The following PDSS2 variants were observed in gnomAD, a reference collection of about 807,000 sequenced individuals.
PDSS2 encodes the protein decaprenyl diphosphate synthase subunit 2.
PDSS2 carries 31 observed loss-of-function variants against 44.5 expected under a neutral mutation model. The ratio of observed to expected loss-of-function variants is 0.70; its 90% CI spans 0.52 to 0.94. The LOEUF is 0.94. Ranked by LOEUF, PDSS2 falls within the 40% of genes least tolerant of loss-of-function variation. The pLI is 0.00. For synonymous variants in PDSS2, 157 were observed against 180.3 expected (o/e 0.87, Z 1.03); for missense variants, 452 against 482.2 (o/e 0.94, Z 0.59).
intron 1 of PDSS2, among the ~76,000 whole-genome samples, chr6:107,334,534 T>C (rs1777816742): frequency 9.1e-6 from 1 of 109,422 alleles, no homozygotes; most frequent in South Asian, 2.6e-4. Flanking sequence ...TGCGTTGTTG[T>C]TGTTGTTGTT....
intron 7 of PDSS2, among the ~76,000 whole-genome samples, chr6:107,182,514 G>A (rs1353815059): frequency 2.0e-5 from 3 of 152,088 alleles, no homozygotes; most frequent in Admixed American, 6.5e-5. Context: ...TAGTAGAGAC[G>A]GGGTTTTGCC....
intron 4 of PDSS2, among the ~76,000 whole-genome samples, chr6:107,230,937 G>A (rs920407123): frequency 5.3e-5 from 8 of 152,082 alleles, no homozygotes; most frequent in South Asian, 4.1e-4. Context: ...GGCGGGGCAC[G>A]GTGGCTCATG....
At chr6:107,197,257 G>C (rs995895072) in intron 6 of PDSS2, among the ~76,000 whole-genome samples, 1 of 151,212 alleles carries the variant, frequency 6.6e-6, no homozygotes, top group Non-Finnish European at 1.5e-5. Context: ...AGGTGGGGGT[G>C]GGGTAAGGGG....
chr6:107,253,192 C>T (rs932545134), intron 3 of PDSS2, among the ~76,000 whole-genome samples: 4 of 152,040 alleles, frequency 2.6e-5, no homozygotes, highest in Admixed American at 6.6e-5. Flanking sequence ...TGCGCCACCA[C>T]GCCTGGCTAA....
At chr6:107,398,976 C>G (rs1415154508) in intron 1 of PDSS2, among the ~76,000 whole-genome samples, 1 of 152,176 alleles carries the variant, frequency 6.6e-6, no homozygotes, top group African/African-American at 2.4e-5. Flanking sequence ...ATATTCTACA[C>G]AGGAAATGGT....
intron 1 of PDSS2, among the ~76,000 whole-genome samples, chr6:107,409,890 T>C (rs1277665737): frequency 2.0e-5 from 3 of 152,156 alleles, no homozygotes; most frequent in Non-Finnish European, 2.9e-5. Context: ...GCTACCAATG[T>C]ACGTGAAAGG....
chr6:107,418,497 T>A (rs1267548502), intron 1 of PDSS2, among the ~76,000 whole-genome samples: 2 of 152,070 alleles, frequency 1.3e-5, no homozygotes, highest in Admixed American at 6.5e-5. Flanking sequence ...TTTGGTTGGG[T>A]GTGGTGGCTC....
At chr6:107,334,112 C>G (rs1384282259) in intron 2 of PDSS2, 86 bp downstream of exon 2, 6 of 1,169,448 alleles carry the variant, frequency 5.1e-6, no homozygotes, top group Non-Finnish European at 2.6e-6. Context: ...CAGAGAATGA[C>G]AAAGAATGGT....
At chr6:107,457,342 A>G (rs1222495142) in intron 1 of PDSS2, among the ~76,000 whole-genome samples, 2 of 152,240 alleles carry the variant, frequency 1.3e-5, no homozygotes, top group Non-Finnish European at 2.9e-5. Context: ...GGTTAGGTGT[A>G]TATTAGATTT....
chr6:107,314,862 C>A (rs1777154141), intron 2 of PDSS2, among the ~76,000 whole-genome samples: 1 of 152,190 alleles, frequency 6.6e-6, no homozygotes, highest in African/African-American at 2.4e-5. Context: ...CAATGCCCTG[C>A]CAGCATGGCT....
At chr6:107,229,337 C>T (rs1314026409) in intron 4 of PDSS2, among the ~76,000 whole-genome samples, 1 of 152,028 alleles carries the variant, frequency 6.6e-6, no homozygotes, top group African/African-American at 2.4e-5. Context: ...CAGGCGTGCA[C>T]CACCATGCCC....
At chr6:107,207,981 T>TTTTTTTG (rs1554253994) in intron 6 of PDSS2, among the ~76,000 whole-genome samples, 2 of 125,054 alleles carry the variant, frequency 1.6e-5, no homozygotes, top group Non-Finnish European at 3.4e-5. Context: ...ATGACTTGTT[T>TTTTTTTG]TTTTTTTTTT....
chr6:107,235,211 C>T (rs928478923), intron 4 of PDSS2, among the ~76,000 whole-genome samples: 2 of 152,174 alleles, frequency 1.3e-5, no homozygotes, highest in Non-Finnish European at 2.9e-5. Context: ...GGGCAGAGTA[C>T]ACAAGAAGAG....
At chr6:107,395,856 A>C (rs1024444949) in intron 1 of PDSS2, among the ~76,000 whole-genome samples, 5 of 152,104 alleles carry the variant, frequency 3.3e-5, no homozygotes, top group Non-Finnish European at 7.4e-5. Context: ...TGAGTGTTAG[A>C]TTCTGCTATA....
intron 1 of PDSS2, among the ~76,000 whole-genome samples, chr6:107,438,208 TTTTTTA>T (rs1157163811): frequency 6.6e-6 from 1 of 152,108 alleles, no homozygotes; most frequent in South Asian, 2.1e-4. Flanking sequence ...TCTGTTTTTA[TTTTTTA>T]TTTTTATTTT....
intron 1 of PDSS2, among the ~76,000 whole-genome samples, chr6:107,401,813 C>T (rs561211625): frequency 2.6e-5 from 4 of 152,098 alleles, no homozygotes; most frequent in African/African-American, 9.6e-5. Context: ...TGCAGACAGG[C>T]CTTTTGAACT....
At chr6:107,373,666 T>G (rs1182544960) in intron 1 of PDSS2, among the ~76,000 whole-genome samples, 2 of 152,212 alleles carry the variant, frequency 1.3e-5, no homozygotes, top group Non-Finnish European at 1.5e-5. Context: ...TTCTTCTCCC[T>G]TAAGCCACCT....
chr6:107,369,693 T>C (rs1412618137), intron 1 of PDSS2, among the ~76,000 whole-genome samples: 2 of 152,052 alleles, frequency 1.3e-5, no homozygotes, highest in Non-Finnish European at 2.9e-5. Flanking sequence ...CCAATCTCCA[T>C]ACACAGCTGT....
intron 2 of PDSS2, among the ~76,000 whole-genome samples, chr6:107,305,815 A>G: frequency 6.6e-6 from 1 of 152,214 alleles, no homozygotes; most frequent in East Asian, 1.9e-4. Context: ...GTACCCCAGA[A>G]CATTGGGAAT....
Sources: allele counts gnomAD v4.1 joint callset (sites outside exome capture counted in the v4.1 genomes callset), GRCh38; gene constraint gnomAD v4.1.1; transcripts MANE v1.5; gene names NCBI Gene and HGNC (gene_info 2026-07-23, HGNC 2026-07-21).